Variants in ICA1 observed in about 807,000 individuals in gnomAD.
ICA1 encodes 69 kDa islet cell autoantigen.
In ICA1, 40 loss-of-function variants were observed where a neutral mutation model predicts 71.0. That is an observed-to-expected ratio of 0.56 (90% CI 0.44 to 0.73). The LOEUF is 0.73. Among genes scored for constraint, ICA1 ranks in the 30% least tolerant of loss-of-function variants. ICA1 has a pLI of 0.00. For missense variants in ICA1, 578 were observed against 576.5 expected (o/e 1.00, Z -0.03); for synonymous variants, 207 against 209.5 (o/e 0.99, Z 0.10).
chr7:8,240,883 C>G (rs967494839), intron 1 of ICA1, among the ~76,000 whole-genome samples: 2 of 152,106 alleles, frequency 1.3e-5, no homozygotes, highest in African/African-American at 4.8e-5. Flanking sequence ...TAAAAAGTAA[C>G]TAGCAAAGCC....
chr7:8,146,721 G>GTC (rs1329721319), intron 8 of ICA1, among the ~76,000 whole-genome samples: 3 of 53,792 alleles, frequency 5.6e-5, no homozygotes, highest in Non-Finnish European at 1.0e-4. Flanking sequence ...TCAGGCACGT[G>GTC]TGTGCGTGTG....
rs1791160464 is a variant in ICA1, at chr7:8,130,777, TG to T, written c.1061-2636del. ...ACATTAGCAAGAACAAATAATAAAC[TG>T]TAAGCCTTCTAAAAATAACCACAGA... On this transcript the variant is annotated intron_variant, in intron 12 of 13. Transcript: ENST00000402384. This position sits in a 1 kb window ranked among gnomAD's most constrained non-coding sequence, Gnocchi z 4.2. 6.6e-6 allele frequency among the ~76,000 whole-genome samples: 1 copy of T among 152,200 alleles called. No individual in the cohort carries two copies. The highest frequency in any genetic ancestry group is 6.5e-5 in the Admixed American group (1 of 15,282).
chr7:8,176,256 A>G lies in ICA1; in HGVS notation c.580-17604T>C, dbSNP rs1481261943. Among the ~76,000 whole-genome samples, 7 of 152,284 alleles carry G rather than the reference A, an allele frequency of 4.6e-5. No individual in the cohort carries two copies. In the South Asian group the frequency reaches 1.0e-3, roughly 23 times the overall value. On this transcript the variant is annotated intron_variant, in intron 6 of 13. Coordinates refer to ENST00000402384, the MANE Select transcript of ICA1 (RefSeq NM_001136020.3). Reference sequence around the variant, plus strand: ...ATGCATGCTGAGCTACAGCAGGCCAATCCCATCCACGTGCTTCTGTACTGC... The same window carrying G: ...ATGCATGCTGAGCTACAGCAGGCCAGTCCCATCCACGTGCTTCTGTACTGC...
rs770113471 is a variant in ICA1, at chr7:8,143,848, T to C, written c.902+27A>G. ...TAACTCTCACCTGTGGGAAGAAAGA[T>C]GCAGAGGGAAGGAACCTGTGACTTA... On this transcript the variant is annotated intron_variant, in intron 9 of 13. Transcript: ENST00000402384. The C allele has an allele frequency of 3.5e-6, 5 of 1,437,084 alleles. No individual in the cohort carries two copies. The Admixed American group carries it at 5.1e-5, about 15-fold the overall frequency. The allele number at this position is 1,437,084 out of a possible 1,614,324, so 89.0% of individuals were successfully genotyped here.
chr7:8,147,812 GAAT>G (rs1797550735), intron 8 of ICA1, among the ~76,000 whole-genome samples: 1 of 151,752 alleles, frequency 6.6e-6, no homozygotes, highest in Admixed American at 6.6e-5. Context: ...GTAGGTCCTT[GAAT>G]AATGTCATTT....
chr7:8,163,379 CAAT>C (rs1405210891), intron 6 of ICA1, among the ~76,000 whole-genome samples: 1 of 152,140 alleles, frequency 6.6e-6, no homozygotes, highest in East Asian at 1.9e-4. Flanking sequence ...TAAAATAAAA[CAAT>C]GATTCTACTC....
At chr7:8,233,051 G>A (rs1442092804) in intron 2 of ICA1, among the ~76,000 whole-genome samples, 4 of 152,130 alleles carry the variant, frequency 2.6e-5, no homozygotes, top group Non-Finnish European at 5.9e-5. Flanking sequence ...TTTAGAGGTG[G>A]AGACAGTGAG....
chr7:8,213,942 C>G (rs1407242966), intron 6 of ICA1, among the ~76,000 whole-genome samples: 1 of 152,234 alleles, frequency 6.6e-6, no homozygotes, highest in Non-Finnish European at 1.5e-5. Flanking sequence ...GAGTATCACT[C>G]ATTTCCTATA....
intron 1 of ICA1, among the ~76,000 whole-genome samples, chr7:8,257,299 T>C (rs1006284829): frequency 2.0e-5 from 3 of 152,216 alleles, no homozygotes; most frequent in South Asian, 4.1e-4. Flanking sequence ...CCTGGAAATA[T>C]CACAGAGAAG....
At chr7:8,133,554 C>T (rs755023281) in intron 12 of ICA1, among the ~76,000 whole-genome samples, 62 of 152,314 alleles carry the variant, frequency 4.1e-4, no homozygotes, top group Non-Finnish European at 7.5e-4. Flanking sequence ...TATAAATTAT[C>T]CAGGTGCCAG....
chr7:8,245,714 T>C (rs1805742421), intron 1 of ICA1, among the ~76,000 whole-genome samples: 1 of 152,200 alleles, frequency 6.6e-6, no homozygotes, highest in African/African-American at 2.4e-5. Context: ...GAGTGATACA[T>C]TTTACACTAA....
chr7:8,157,381 A>C, intron 7 of ICA1, 167 bp from the exon 8 acceptor site: 1 of 661,336 alleles, frequency 1.5e-6, no homozygotes, highest in Non-Finnish European at 2.4e-6. Flanking sequence ...TTTCAGCCAA[A>C]CTAAATGCCT....
At chr7:8,156,778 AATGTCAAAC>A in intron 8 of ICA1, 3 of 1,440,730 alleles carry the variant, frequency 2.1e-6, no homozygotes, top group Non-Finnish European at 2.7e-6. Context: ...CCCCTTTAGC[AATGTCAAAC>A]AAGTATTTTA....
chr7:8,165,479 T>C (rs1805578519), intron 6 of ICA1, among the ~76,000 whole-genome samples: 1 of 152,148 alleles, frequency 6.6e-6, no homozygotes, highest in East Asian at 1.9e-4. Flanking sequence ...AACGATGCCC[T>C]CTCTCAGTAC....
In ICA1 at chr7:8,261,431, C is replaced by G. The variant is rs573465816; in HGVS notation, c.-80+663G>C. Among the ~76,000 whole-genome samples, 3 of 152,224 alleles carry G rather than the reference C, an allele frequency of 2.0e-5. No homozygotes were observed. In the East Asian group the frequency reaches 5.8e-4, roughly 29 times the overall value. On this transcript the variant is annotated intron_variant, in intron 1 of 13. Coordinates refer to ENST00000402384, the MANE Select transcript of ICA1 (RefSeq NM_001136020.3). Reference sequence around the variant, plus strand: ...GCAGGAAAGGCGGAGTCAGCAGCGCCCAAAGGAAACGGGCGCGCCAGGGTT... The same window carrying G: ...GCAGGAAAGGCGGAGTCAGCAGCGCGCAAAGGAAACGGGCGCGCCAGGGTT...
At chr7:8,131,014 A>G (rs1253387685) in intron 12 of ICA1, among the ~76,000 whole-genome samples, 1 of 152,194 alleles carries the variant, frequency 6.6e-6, no homozygotes, top group Non-Finnish European at 1.5e-5. Flanking sequence ...GAGGCTGGCC[A>G]GAGTCCTCCA....
chr7:8,240,630 G>T (rs1004597045), intron 1 of ICA1, among the ~76,000 whole-genome samples: 2 of 152,048 alleles, frequency 1.3e-5, no homozygotes, highest in Non-Finnish European at 2.9e-5. Context: ...AAAGGAGACT[G>T]TTCAAACCCA....
intron 6 of ICA1, among the ~76,000 whole-genome samples, chr7:8,200,830 T>C (rs1288144628): frequency 6.6e-6 from 1 of 152,216 alleles, no homozygotes; most frequent in Non-Finnish European, 1.5e-5. Flanking sequence ...TTTCATAATT[T>C]ATCATTCTTT....
At chr7:8,247,096 G>A (rs190534170) in intron 1 of ICA1, among the ~76,000 whole-genome samples, 11 of 151,944 alleles carry the variant, frequency 7.2e-5, no homozygotes, top group East Asian at 5.8e-4. Context: ...TTATTCCCCC[G>A]TGTAGATGGG....
Sources: gnomAD v4.1 joint callset for allele counts (sites outside exome capture counted in the v4.1 genomes callset) on GRCh38, gnomAD v4.1.1 for gene constraint, Gnocchi (gnomAD v3.1) non-coding constraint, MANE v1.5 for transcripts, NCBI Gene and HGNC (gene_info 2026-07-23, HGNC 2026-07-21) for gene names.